Variants in PRKCB observed in about 807,000 individuals in gnomAD.
PRKCB encodes protein kinase C beta.
PRKCB carries 13 observed loss-of-function variants against 81.5 expected under a neutral mutation model. That is an observed-to-expected ratio of 0.16 (90% CI 0.10 to 0.25). PRKCB has a LOEUF of 0.25. Among genes scored for constraint, PRKCB ranks in the 10% least tolerant of loss-of-function variants. PRKCB has a pLI of 1.00. For missense variants in PRKCB, 509 were observed against 875.7 expected, an observed-to-expected ratio of 0.58 and a Z score of 5.29; for synonymous variants, 335 against 321.4, an observed-to-expected ratio of 1.04 and a Z score of -0.45.
At chr16:23,932,177 G>C (rs1963988031) in intron 2 of PRKCB, among the ~76,000 whole-genome samples, 1 of 152,218 alleles carries the variant, frequency 6.6e-6, no homozygotes, top group African/African-American at 2.4e-5. Context: ...ATCTAAGATA[G>C]TGTGTGGACC....
chr16:23,851,560 A>G (rs1175557028), intron 2 of PRKCB, among the ~76,000 whole-genome samples: 1 of 152,086 alleles, frequency 6.6e-6, no homozygotes, highest in African/African-American at 2.4e-5. Flanking sequence ...TGTCTTGGCT[A>G]TTTGGGGTCT....
intron 2 of PRKCB, among the ~76,000 whole-genome samples, chr16:23,854,689 C>A (rs912824814): frequency 6.6e-6 from 1 of 152,104 alleles, no homozygotes; most frequent in Non-Finnish European, 1.5e-5. Flanking sequence ...AATCACAAGC[C>A]CACCCCAGAA....
chr16:24,021,623 A>G (rs1965405739), intron 3 of PRKCB, among the ~76,000 whole-genome samples: 1 of 151,922 alleles, frequency 6.6e-6, no homozygotes, highest in African/African-American at 2.4e-5. Context: ...GCTGAGGAGC[A>G]GGGGGGCAGC....
At chr16:23,942,580 A>G (rs1228078654) in intron 2 of PRKCB, among the ~76,000 whole-genome samples, 1 of 152,214 alleles carries the variant, frequency 6.6e-6, no homozygotes, top group African/African-American at 2.4e-5. Context: ...GTTTACTTCA[A>G]GCACTTAAAC....
In PRKCB at chr16:23,846,672, C is replaced by T. The variant is rs74582656; in HGVS notation, c.205+9266C>T. ...ATAAACCAACTTTTTTTTGAGTCAG[C>T]GAGGGTACACTTTTACCTAATGTTG... On this transcript the variant is annotated intron_variant, in intron 2 of 16. Transcript: ENST00000643927. Among the ~76,000 whole-genome samples, 571 of 146,918 alleles carry T rather than the reference C, an allele frequency of 3.9e-3. 3 individuals carry two copies. Among genetic ancestry groups the T allele is most frequent in the African/African-American group, 0.013 (535 of 39,916 alleles).
chr16:23,907,236 G>A (rs987636043), intron 2 of PRKCB, among the ~76,000 whole-genome samples: 2 of 152,202 alleles, frequency 1.3e-5, no homozygotes, highest in Non-Finnish European at 2.9e-5. Flanking sequence ...ATCATCTTCA[G>A]TTGAGAATTA....
At chr16:24,172,544 C>T (rs1596581486) in intron 11 of PRKCB, among the ~76,000 whole-genome samples, 183 bp downstream of exon 11, 1 of 151,824 alleles carries the variant, frequency 6.6e-6, no homozygotes, top group Admixed American at 6.6e-5. Flanking sequence ...TTTCTGACAC[C>T]AGCTAAGAAC....
chr16:24,101,309 G>A (rs1182131541), intron 7 of PRKCB, among the ~76,000 whole-genome samples: 1 of 152,218 alleles, frequency 6.6e-6, no homozygotes, highest in Non-Finnish European at 1.5e-5. Context: ...CACTTTGGGA[G>A]TGCCAAGGTG....
At chr16:23,929,527 C>T (rs1326284472) in intron 2 of PRKCB, among the ~76,000 whole-genome samples, 1 of 152,096 alleles carries the variant, frequency 6.6e-6, no homozygotes, top group East Asian at 1.9e-4. Flanking sequence ...GTGGAGAAGG[C>T]ATTCTGCAGT....
intron 16 of PRKCB, among the ~76,000 whole-genome samples, chr16:24,192,934 A>C (rs375182746): frequency 6.6e-6 from 1 of 152,032 alleles, no homozygotes; most frequent in Non-Finnish European, 1.5e-5. Context: ...CAGAGACCAG[A>C]GGGAGGTAGC....
chr16:23,942,279 A>C (rs1964149077), intron 2 of PRKCB, among the ~76,000 whole-genome samples: 1 of 152,240 alleles, frequency 6.6e-6, no homozygotes, highest in South Asian at 2.1e-4. Context: ...TGTGTGTCTA[A>C]AGGAAAGTGG....
At chr16:23,866,990 T>TCCTTC (rs1178573838) in intron 2 of PRKCB, among the ~76,000 whole-genome samples, 1 of 69,638 alleles carries the variant, frequency 1.4e-5, no homozygotes, top group Admixed American at 1.7e-4. Context: ...TTCCTTCCCT[T>TCCTTC]CCTTCCCTTC....
intron 3 of PRKCB, among the ~76,000 whole-genome samples, chr16:24,028,720 C>CAG (rs1965513881): frequency 6.6e-6 from 1 of 151,992 alleles, no homozygotes; most frequent in Admixed American, 6.5e-5. Context: ...TCCATTCACA[C>CAG]GTCGAACGAC....
chr16:23,959,337 A>G (rs1964392959), intron 2 of PRKCB, among the ~76,000 whole-genome samples: 1 of 152,146 alleles, frequency 6.6e-6, no homozygotes, highest in Non-Finnish European at 1.5e-5. Context: ...AGGAGCTCTG[A>G]TCATTGAGAA....
intron 10 of PRKCB, among the ~76,000 whole-genome samples, chr16:24,159,589 A>G (rs1967222762): frequency 6.6e-6 from 1 of 150,602 alleles, no homozygotes; most frequent in African/African-American, 2.5e-5. Flanking sequence ...CACAGCTGCT[A>G]AGTAGTGGAG....
chr16:23,997,862 G>A (rs907689277), intron 3 of PRKCB, among the ~76,000 whole-genome samples: 1 of 152,142 alleles, frequency 6.6e-6, no homozygotes, highest in Non-Finnish European at 1.5e-5. Flanking sequence ...TATTTAAGAA[G>A]GTGTGTATGG....
chr16:24,054,283 G>A (rs1448136140), intron 5 of PRKCB, among the ~76,000 whole-genome samples: 1 of 152,184 alleles, frequency 6.6e-6, no homozygotes, highest in Non-Finnish European at 1.5e-5. Context: ...GGCTATTTAA[G>A]TTATGTATTT....
chr16:23,988,598 A>G lies in PRKCB; in HGVS notation c.288+8A>G. On this transcript the variant is annotated splice_region_variant and intron_variant, in intron 3 of 16. Coordinates refer to ENST00000643927, the MANE Select transcript of PRKCB (RefSeq NM_002738.7). ...AAGGGTCCAGCCTCCGATGTAAGTA[A>G]TGGGCATCGATTGCTTTTCTCTGTC... 1.2e-6 allele frequency: 2 copies of G among 1,612,808 alleles called. No individual in the cohort carries two copies. Among genetic ancestry groups the G allele is most frequent in the African/African-American group, 2.7e-5 (2 of 75,004 alleles).
intron 2 of PRKCB, among the ~76,000 whole-genome samples, chr16:23,838,350 A>G (rs951001430): frequency 3.9e-5 from 6 of 152,160 alleles, no homozygotes; most frequent in African/African-American, 1.4e-4. Context: ...CAGCCTTACC[A>G]TTTTGTCTCA....
Sources: gnomAD v4.1 joint callset for allele counts (sites outside exome capture counted in the v4.1 genomes callset) on GRCh38, gnomAD v4.1.1 for gene constraint, MANE v1.5 for transcripts, NCBI Gene and HGNC (gene_info 2026-07-23, HGNC 2026-07-21) for gene names.